PIGF: variants seen among roughly 807,000 people sequenced by gnomAD.
PIGF encodes the protein GPI ethanolamine phosphate transferase, stabilizing subunit.
A neutral mutation model predicts 26.0 loss-of-function variants in PIGF; 23 were observed. The observed-to-expected ratio is 0.88, with a 90% CI of 0.64 to 1.25. The LOEUF is 1.25. PIGF is among the 50% of genes most tolerant of loss of function. The probability of loss-of-function intolerance (pLI) is 0.00; values close to 1 mark genes in which losing one functional copy is unlikely to be tolerated. For synonymous variants in PIGF, 93 were observed against 92.6 expected (o/e 1.00, Z -0.03); for missense variants, 278 against 249.9 (o/e 1.11, Z -0.76).
chr2:46,611,028 TCTTGA>T (rs1176617900), intron 4 of PIGF, among the ~76,000 whole-genome samples: 1 of 152,208 alleles, frequency 6.6e-6, no homozygotes, highest in Non-Finnish European at 1.5e-5. Flanking sequence ...AATCATATAC[TCTTGA>T]CTTAAGTCCA....
intron 4 of PIGF, among the ~76,000 whole-genome samples, chr2:46,597,920 G>A (rs1338733932): frequency 6.6e-6 from 1 of 151,966 alleles, no homozygotes; most frequent in Non-Finnish European, 1.5e-5. Flanking sequence ...GAAAATATAT[G>A]GGCCTTCTTA....
intron 4 of PIGF, among the ~76,000 whole-genome samples, chr2:46,607,886 C>CA (rs1397719403): frequency 1.3e-5 from 2 of 152,038 alleles, no homozygotes; most frequent in Non-Finnish European, 2.9e-5. Flanking sequence ...TTAGTAGAGA[C>CA]AGAGTTTCAC....
intron 4 of PIGF, among the ~76,000 whole-genome samples, chr2:46,592,797 A>AC (rs1669762133): frequency 6.6e-6 from 1 of 152,210 alleles, no homozygotes; most frequent in South Asian, 2.1e-4. Flanking sequence ...ATACAGACGC[A>AC]CTAGGAGTCA....
chr2:46,610,292 A>C (rs951031117), intron 4 of PIGF, among the ~76,000 whole-genome samples: 1 of 152,156 alleles, frequency 6.6e-6, no homozygotes, highest in Non-Finnish European at 1.5e-5. Flanking sequence ...TTTCCCCCAA[A>C]TACACCCATT....
chr2:46,591,879 C>G (rs1669731629), intron 5 of PIGF: 1 of 1,303,704 alleles, frequency 7.7e-7, no homozygotes, highest in South Asian at 1.2e-5. Flanking sequence ...TGTGAGCTTT[C>G]TTGATAACAC....
At chr2:46,585,706 G>A (rs1669549946) in intron 5 of PIGF, among the ~76,000 whole-genome samples, 1 of 152,046 alleles carries the variant, frequency 6.6e-6, no homozygotes, top group Non-Finnish European at 1.5e-5. Flanking sequence ...AGTTTAGAAC[G>A]AATAGTTCAT....
At chr2:46,592,405 A>T in intron 5 of PIGF, 70 bp downstream of exon 5, 1 of 800,036 alleles carries the variant, frequency 1.2e-6, no homozygotes, top group Non-Finnish European at 2.2e-6. Flanking sequence ...TATACACACT[A>T]GTTTGCTTCA....
intron 4 of PIGF, among the ~76,000 whole-genome samples, chr2:46,608,772 G>A (rs1252662211): frequency 6.6e-6 from 1 of 152,080 alleles, no homozygotes; most frequent in Non-Finnish European, 1.5e-5. Flanking sequence ...ATTTTGAAAG[G>A]ATTTTTTTTT....
rs976361580 is a variant in PIGF, at chr2:46,589,539, T to C, written c.546+2936A>G. Among the ~76,000 whole-genome samples, 24 of 151,890 alleles carry C rather than the reference T, an allele frequency of 1.6e-4. 1 individual carries two copies. The highest frequency in any genetic ancestry group is 4.8e-4 in the African/African-American group (20 of 41,382). ...GTGTGTTTTTAAAGGTACAATTGCT[T>C]AACCAGATATTCCTGTTTCTCTGAC... On this transcript the variant is annotated intron_variant, in intron 5 of 5. Coordinates refer to ENST00000281382, the MANE Select transcript of PIGF (RefSeq NM_002643.4). The surrounding 1 kb of genome is among the most constrained non-coding windows in gnomAD (Gnocchi z 4.7).
rs747796684 is a variant in PIGF at position 46,581,080 on chromosome 2, G to A, written c.*398C>T. ...GATGTATAAACTGTTGTTTAATTACGTGAGAAACATCTTCAGTGGCCAAGG... is the reference window on the plus strand; with the variant it reads ...GATGTATAAACTGTTGTTTAATTACATGAGAAACATCTTCAGTGGCCAAGG... On this transcript the variant is annotated 3_prime_UTR_variant, in exon 6 of 6. Coordinates refer to ENST00000281382, the MANE Select transcript of PIGF (RefSeq NM_002643.4). The A allele has an allele frequency of 3.1e-5, 48 of 1,524,912 alleles. No individual in the cohort carries two copies. The highest frequency in any genetic ancestry group is 3.7e-5 in the Non-Finnish European group (42 of 1,140,714). The allele number at this position is 1,524,912 out of a possible 1,614,324, so 94.5% of individuals were successfully genotyped here. A position where few individuals can be genotyped will look rare whatever the true frequency, so the allele number is the denominator to read the frequency against.
chr2:46,612,071 TC>T (rs1419849214), intron 4 of PIGF, among the ~76,000 whole-genome samples, 156 bp downstream of exon 4: 1 of 152,004 alleles, frequency 6.6e-6, no homozygotes, highest in Non-Finnish European at 1.5e-5. Flanking sequence ...GCCTGCCCTG[TC>T]CCCAGTCCCT....
At chr2:46,586,551 C>A (rs1669577998) in intron 5 of PIGF, among the ~76,000 whole-genome samples, 5 of 152,174 alleles carry the variant, frequency 3.3e-5, no homozygotes. Flanking sequence ...GAACAACTCA[C>A]AACCATTAGG....
intron 4 of PIGF, among the ~76,000 whole-genome samples, chr2:46,596,153 G>T (rs1360118655): frequency 1.3e-5 from 2 of 150,806 alleles, no homozygotes; most frequent in African/African-American, 4.9e-5. Flanking sequence ...GGCGGAGGTT[G>T]TCGTGAGCCG....
chr2:46,612,252 C>A lies in PIGF; in HGVS notation c.413G>T (p.Trp138Leu). Residue 138 changes from tryptophan (W) to leucine (L), a missense_variant, in exon 4 of 6, where the codon TGG (tryptophan) becomes TTG (leucine). Transcript: ENST00000281382. ...LCLLGPNLKAWLRVFSRNGVT... is the reference protein window; with the variant it reads ...LCLLGPNLKALLRVFSRNGVT... ...CCCATTTCTACTGAACACTCTTAGC[C>A]ATGCTTTGAGGTTTGGTCCTAACAA... The A allele has an allele frequency of 7.4e-7, 1 of 1,359,720 alleles. No individual in the cohort carries two copies. Among genetic ancestry groups the A allele is most frequent in the Non-Finnish European group, 9.8e-7 (1 of 1,018,528 alleles). 84.2% of individuals were successfully genotyped at this position (1,359,720 alleles called of 1,614,324 possible).
At chr2:46,612,886 G>C (rs1670470746) in intron 3 of PIGF, among the ~76,000 whole-genome samples, 1 of 152,128 alleles carries the variant, frequency 6.6e-6, no homozygotes, top group African/African-American at 2.4e-5. Flanking sequence ...CTGCTGGTTT[G>C]AAAACCACAT....
At chr2:46,592,124 G>A (rs1160738288) in intron 5 of PIGF, among the ~76,000 whole-genome samples, 1 of 152,172 alleles carries the variant, frequency 6.6e-6, no homozygotes, top group African/African-American at 2.4e-5. Flanking sequence ...GGCTGAAGCA[G>A]GAAGATCGTT....
chr2:46,599,802 T>G (rs143256336), intron 4 of PIGF, among the ~76,000 whole-genome samples: 21 of 152,314 alleles, frequency 1.4e-4, no homozygotes, highest in Non-Finnish European at 1.5e-4. Flanking sequence ...ATTCTTCATC[T>G]TCTGCACACC....
chr2:46,600,064 T>G (rs567559167), intron 4 of PIGF, among the ~76,000 whole-genome samples: 1 of 152,318 alleles, frequency 6.6e-6, no homozygotes, highest in African/African-American at 2.4e-5. Flanking sequence ...CCACTGAAAT[T>G]TAATAAATGG....
Position 46,589,279 on chromosome 2 carries a change from G to A in PIGF, c.546+3196C>T, listed in dbSNP as rs1377764527. ...TAAAATCACTTAAGATTTATATTAA[G>A]TTAAAAAACTTTTACATTGAGATCA... is the stretch of plus-strand genomic sequence containing the variant. On this transcript the variant is annotated intron_variant, in intron 5 of 5. Transcript: ENST00000281382. This position sits in a 1 kb window ranked among gnomAD's most constrained non-coding sequence, Gnocchi z 4.7. Among the ~76,000 whole-genome samples, 4 of 151,970 alleles carry A rather than the reference G, an allele frequency of 2.6e-5. No individual in the cohort carries two copies. Among genetic ancestry groups the A allele is most frequent in the African/African-American group, 9.7e-5 (4 of 41,390 alleles).
Sources: allele counts gnomAD v4.1 joint callset (sites outside exome capture counted in the v4.1 genomes callset), GRCh38; gene constraint gnomAD v4.1.1; non-coding constraint Gnocchi (gnomAD v3.1); transcripts MANE v1.5; gene names NCBI Gene and HGNC (gene_info 2026-07-23, HGNC 2026-07-21).